The following KIF1B variants were observed in gnomAD, a reference collection of about 807,000 sequenced individuals.
KIF1B encodes kinesin family member 1B.
A neutral mutation model predicts 241.9 loss-of-function variants in KIF1B; 76 were observed. The observed-to-expected ratio is 0.31, with a 90% confidence interval of 0.26 to 0.38. The LOEUF (loss-of-function observed/expected upper bound fraction) is 0.38. Ranked by LOEUF, KIF1B falls within the 10% of genes least tolerant of loss-of-function variation. The probability of loss-of-function intolerance (pLI) is 1.00; values close to 1 mark genes in which losing one functional copy is unlikely to be tolerated. For synonymous variants in KIF1B, 750 were observed against 796.7 expected (o/e 0.94, Z 0.99); for missense variants, 1,622 against 2,271.4 (o/e 0.71, Z 5.81).
In KIF1B at chr1:10,232,646, C is replaced by A. The variant is rs1032465330; in HGVS notation, c.106+212C>A. On this transcript the variant is annotated intron_variant, in intron 2 of 48. Transcript: ENST00000676179. Reference sequence around the variant, plus strand: ...TATTTTACCCTGTACAATTGAGAAACCCTGAATAACTGAACTAATTTAGCA... The same window carrying A: ...TATTTTACCCTGTACAATTGAGAAAACCTGAATAACTGAACTAATTTAGCA... 9.2e-5 allele frequency among the ~76,000 whole-genome samples: 14 copies of A among 152,024 alleles called. No homozygotes were observed. In the East Asian group the frequency reaches 2.3e-3, roughly 25 times the overall value.
At chr1:10,319,987 C>T in intron 22 of KIF1B, 56 bp from the exon 23 acceptor site, 7 of 1,138,208 alleles carry the variant, frequency 6.2e-6, no homozygotes, top group Non-Finnish European at 9.2e-6. Context: ...ATTTCTCTTT[C>T]CCTGCCCTCT....
intron 14 of KIF1B, 98 bp downstream of exon 14, chr1:10,279,236 T>TA: frequency 1.3e-6 from 1 of 754,102 alleles, no homozygotes. Flanking sequence ...TGGCAATCCT[T>TA]ACAGGGAAAT....
intron 48 of KIF1B, among the ~76,000 whole-genome samples, chr1:10,376,330 A>G (rs538637754): frequency 2.0e-5 from 3 of 152,302 alleles, no homozygotes; most frequent in Non-Finnish European, 2.9e-5. Flanking sequence ...GAGGACAGTG[A>G]GAACCTTAAT....
intron 5 of KIF1B, among the ~76,000 whole-genome samples, chr1:10,264,536 G>A (rs922679149): frequency 6.6e-6 from 1 of 152,326 alleles, no homozygotes; most frequent in East Asian, 1.9e-4. Flanking sequence ...AGTATTGTAT[G>A]TACAAATTTA....
At chr1:10,243,620 T>G (rs1647168072) in intron 2 of KIF1B, among the ~76,000 whole-genome samples, 1 of 152,226 alleles carries the variant, frequency 6.6e-6, no homozygotes, top group South Asian at 2.1e-4. Flanking sequence ...TTGCCTGGGC[T>G]CACATATCTA....
intron 1 of KIF1B, among the ~76,000 whole-genome samples, chr1:10,218,163 ACCCACTACAGGCTGGCTTCAGTGTCC>A (rs1358885928): frequency 6.6e-6 from 1 of 151,956 alleles, no homozygotes; most frequent in Non-Finnish European, 1.5e-5. Flanking sequence ...TTCCGTGCCA[ACCCACTACAGGCTGGCTTCAGTGTCC>A]CCTCCTGCCC....
intron 22 of KIF1B, among the ~76,000 whole-genome samples, chr1:10,309,871 C>T (rs546627265): frequency 7.3e-5 from 11 of 151,600 alleles, no homozygotes; most frequent in African/African-American, 2.4e-4. Context: ...AACACTGTCA[C>T]TCTCACACCA....
At chr1:10,323,830 T>C (rs1651616023) in intron 24 of KIF1B, 54 bp from the exon 25 acceptor site, 4 of 1,447,824 alleles carry the variant, frequency 2.8e-6, no homozygotes, top group Non-Finnish European at 3.9e-6. Context: ...TCGTCTCATC[T>C]CTGAAGCTTG....
intron 2 of KIF1B, among the ~76,000 whole-genome samples, chr1:10,250,292 G>A (rs898853736): frequency 4.6e-5 from 7 of 151,730 alleles, no homozygotes; most frequent in African/African-American, 1.5e-4. Context: ...ACACAGACGT[G>A]CAGTCATACC....
chr1:10,278,583 C>G (rs1649240528), intron 13 of KIF1B: 1 of 201,808 alleles, frequency 5.0e-6, no homozygotes, highest in Non-Finnish European at 1.0e-5. Context: ...TAAGATTCAC[C>G]TTTGAATGGC....
chr1:10,243,707 A>G (rs992095791), intron 2 of KIF1B, among the ~76,000 whole-genome samples: 5 of 152,240 alleles, frequency 3.3e-5, no homozygotes, highest in Admixed American at 6.5e-5. Flanking sequence ...ACCTCTCACA[A>G]TATTTATTAA....
chr1:10,323,959 G>GA lies in KIF1B; in HGVS notation c.2440dup (p.Thr814AsnfsTer3), dbSNP rs1386209682. ...TCCTGAATTACTTCCCACTGAGATG[G>GA]AAAAAACTCATGAGGACAGGCCTTT... is the stretch of plus-strand genomic sequence containing the variant. On this transcript the variant is annotated frameshift_variant, in exon 25 of 49. Coordinates refer to ENST00000676179, the MANE Select transcript of KIF1B (RefSeq NM_001365951.3). LOFTEE classifies it high-confidence loss of function. 1 of 1,614,034 alleles carries GA rather than the reference G, an allele frequency of 6.2e-7. No homozygotes were observed. The highest frequency in any genetic ancestry group is 8.5e-7 in the Non-Finnish European group (1 of 1,180,008).
Position 10,289,409 on chromosome 1 carries a change from A to G in KIF1B, c.1435-1673A>G, listed in dbSNP as rs138695953. Among the ~76,000 whole-genome samples, 130 of 152,306 alleles carry G rather than the reference A, an allele frequency of 8.5e-4. 1 individual carries two copies. In the East Asian group the frequency reaches 0.023, roughly 27 times the overall value. ...CCCACTCTCAGCATACCCACATGGCAGCTTCTGCTCTTCTTTGATCTCTGC... is the reference window on the plus strand; with the variant it reads ...CCCACTCTCAGCATACCCACATGGCGGCTTCTGCTCTTCTTTGATCTCTGC... On this transcript the variant is annotated intron_variant, in intron 15 of 48. Coordinates refer to ENST00000676179, the MANE Select transcript of KIF1B (RefSeq NM_001365951.3).
chr1:10,212,890 G>GTATATA (rs201066671), intron 1 of KIF1B, among the ~76,000 whole-genome samples: 301 of 109,310 alleles, frequency 2.8e-3, no homozygotes, highest in East Asian at 6.1e-3. Flanking sequence ...ATGCGTGTGT[G>GTATATA]TATATATATA....
Position 10,363,316 on chromosome 1 carries a change from A to T in KIF1B, c.4338A>T (p.Leu1446Phe). Residue 1446 changes from leucine to phenylalanine, a missense_variant, in exon 41 of 49, where the codon TTA becomes TTT. Leu to Phe is a conservative substitution (Grantham distance 22, BLOSUM62 0). Transcript: ENST00000676179. ...NRVTGIYELS[L>F]CKMSDTGSPG... Reference sequence around the variant, plus strand: ...TCACTGGCATTTACGAACTCAGCTTATGCAAAATGTCAGACACAGGTAGTC... The same window carrying T: ...TCACTGGCATTTACGAACTCAGCTTTTGCAAAATGTCAGACACAGGTAGTC... 6.2e-7 allele frequency: 1 copy of T among 1,613,738 alleles called. No homozygotes were observed. Among genetic ancestry groups the T allele is most frequent in the Non-Finnish European group, 8.5e-7 (1 of 1,179,590 alleles).
intron 16 of KIF1B, 84 bp from the exon 17 acceptor site, chr1:10,291,963 G>T (rs892154983): frequency 1.6e-5 from 19 of 1,164,512 alleles, no homozygotes; most frequent in East Asian, 2.3e-5. Context: ...TTTTTGCTTT[G>T]CAGGCTTTAT....
At chr1:10,285,325 C>T (rs913795717) in intron 15 of KIF1B, among the ~76,000 whole-genome samples, 1 of 152,184 alleles carries the variant, frequency 6.6e-6, no homozygotes, top group Non-Finnish European at 1.5e-5. Flanking sequence ...AGAAATTTCT[C>T]CCTAACTGCC....
chr1:10,224,864 C>T (rs1364933156), intron 1 of KIF1B, among the ~76,000 whole-genome samples: 2 of 152,122 alleles, frequency 1.3e-5, no homozygotes, highest in Admixed American at 1.3e-4. Context: ...TCTTTTTAGC[C>T]CCAGGGACTG....
At chr1:10,271,447 C>T in intron 7 of KIF1B, 55 bp from the exon 8 acceptor site, 1 of 1,255,538 alleles carries the variant, frequency 8.0e-7, no homozygotes, top group Non-Finnish European at 1.2e-6. Flanking sequence ...CTAAATATTT[C>T]CTGCTTCTAT....
Sources: allele counts gnomAD v4.1 joint callset (sites outside exome capture counted in the v4.1 genomes callset), GRCh38; gene constraint gnomAD v4.1.1; transcripts MANE v1.5; gene names NCBI Gene and HGNC (gene_info 2026-07-23, HGNC 2026-07-21).